The following PLCB1 variants were observed in gnomAD, a reference collection of about 807,000 sequenced individuals.
PLCB1 encodes the protein 1-phosphatidylinositol 4,5-bisphosphate phosphodiesterase beta-1.
Under a neutral mutation model 161.8 loss-of-function variants are expected in PLCB1, and 46 were observed. The observed-to-expected ratio is 0.28, with a 90% CI of 0.22 to 0.36. The LOEUF is 0.36. Among genes scored for constraint, PLCB1 ranks in the 10% least tolerant of loss-of-function variants. PLCB1 has a pLI of 1.00. For missense variants in PLCB1, 1,016 were observed against 1,472.5 expected, an observed-to-expected ratio of 0.69 and a Z score of 5.07; for synonymous variants, 517 against 503.7, an observed-to-expected ratio of 1.03 and a Z score of -0.35.
chr20:8,225,440 C>T (rs6118125), intron 2 of PLCB1, among the ~76,000 whole-genome samples: 1,853 of 152,176 alleles, frequency 0.012, 42 homozygotes, highest in African/African-American at 0.042. Context: ...AAACAAACAT[C>T]TTGCATATTT....
rs145374346 is a variant in PLCB1, at chr20:8,750,148, G to A, written c.2524-6898G>A. On this transcript the variant is annotated intron_variant, in intron 23 of 31. Transcript: ENST00000338037. ...AACAAAATGATACCATGTGAATGCT[G>A]TTGACTCATGTGAGTGCTTATATGA... 2.8e-3 allele frequency among the ~76,000 whole-genome samples: 426 copies of A among 152,282 alleles called. 3 individuals are homozygous for A. Among genetic ancestry groups the A allele is most frequent in the African/African-American group, 9.9e-3 (410 of 41,550 alleles).
intron 3 of PLCB1, among the ~76,000 whole-genome samples, chr20:8,488,034 T>G (rs894724274): frequency 1.3e-5 from 2 of 152,192 alleles, no homozygotes; most frequent in African/African-American, 4.8e-5. Context: ...TTTACATGGA[T>G]TCAATGAATT....
intron 3 of PLCB1, among the ~76,000 whole-genome samples, chr20:8,491,621 C>T (rs542993270): frequency 1.3e-5 from 2 of 152,278 alleles, no homozygotes; most frequent in African/African-American, 4.8e-5. Context: ...GAAGTCAGTA[C>T]TCAAGTGAAT....
chr20:8,363,636 C>G (rs1232218753), intron 2 of PLCB1, among the ~76,000 whole-genome samples: 1 of 152,022 alleles, frequency 6.6e-6, no homozygotes, highest in Non-Finnish European at 1.5e-5. Context: ...AGCACCTTTG[C>G]CATATTGTAT....
intron 3 of PLCB1, among the ~76,000 whole-genome samples, chr20:8,517,232 G>A (rs1256760574): frequency 6.6e-6 from 1 of 152,112 alleles, no homozygotes; most frequent in Non-Finnish European, 1.5e-5. Flanking sequence ...TGAGCCTAGA[G>A]CCAACTCAAG....
At chr20:8,584,499 C>T (rs955783304) in intron 3 of PLCB1, among the ~76,000 whole-genome samples, 1 of 151,768 alleles carries the variant, frequency 6.6e-6, no homozygotes, top group African/African-American at 2.4e-5. Context: ...CACACACACA[C>T]ACACACACGT....
intron 2 of PLCB1, among the ~76,000 whole-genome samples, chr20:8,249,131 T>C (rs2123219126): frequency 6.6e-6 from 1 of 152,084 alleles, no homozygotes; most frequent in African/African-American, 2.4e-5. Flanking sequence ...TTTGGTTGCA[T>C]AAATCGTCAA....
chr20:8,621,396 TACTG>T (rs1382907767), intron 3 of PLCB1, among the ~76,000 whole-genome samples: 1 of 152,220 alleles, frequency 6.6e-6, no homozygotes, highest in African/African-American at 2.4e-5. Flanking sequence ...GTTTGACAAA[TACTG>T]ACTCAATGAG....
Position 8,881,650 on chromosome 20 carries a change from A to G in PLCB1, c.3452A>G (p.Gln1151Arg). 1 of 1,614,044 alleles carries G rather than the reference A, an allele frequency of 6.2e-7. No individual in the cohort carries two copies. Among genetic ancestry groups the G allele is most frequent in the Non-Finnish European group, 8.5e-7 (1 of 1,179,968 alleles). ...CAGGTGGAGCTGGAGCAAGAATACCAAGACAAATTCAAAAGACTGCCCCTC... is the reference window on the plus strand; with the variant it reads ...CAGGTGGAGCTGGAGCAAGAATACCGAGACAAATTCAAAAGACTGCCCCTC... The part of the protein sequence containing the change: ...KLQVELEQEY[Q>R]DKFKRLPLEI... Residue 1151 changes from glutamine (Q) to arginine (R), a missense_variant, in exon 32 of 32, where the codon CAA becomes CGA. Transcript: ENST00000338037.
chr20:8,702,497 C>T, intron 11 of PLCB1, among the ~76,000 whole-genome samples: 1 of 152,144 alleles, frequency 6.6e-6, no homozygotes, highest in Admixed American at 6.5e-5. Flanking sequence ...AATAAAGTGT[C>T]ATTCATTCCC....
intron 3 of PLCB1, among the ~76,000 whole-genome samples, chr20:8,591,169 C>A (rs1987140304): frequency 6.6e-6 from 1 of 152,154 alleles, no homozygotes; most frequent in African/African-American, 2.4e-5. Context: ...CTTTTTATGG[C>A]TGCATAGTAT....
chr20:8,134,657 T>G (rs1438577437), intron 1 of PLCB1, among the ~76,000 whole-genome samples: 1 of 151,824 alleles, frequency 6.6e-6, no homozygotes, highest in African/African-American at 2.4e-5. Context: ...ACATGCTAGG[T>G]GGAGGAGACA....
At chr20:8,639,022 G>A (rs1988858110) in intron 4 of PLCB1, among the ~76,000 whole-genome samples, 6 of 151,826 alleles carry the variant, frequency 4.0e-5, no homozygotes, top group Admixed American at 3.9e-4. Flanking sequence ...TAGTGTTGTG[G>A]GTGCCACTGC....
At chr20:8,252,483 T>G (rs1013131562) in intron 2 of PLCB1, among the ~76,000 whole-genome samples, 5 of 151,932 alleles carry the variant, frequency 3.3e-5, no homozygotes, top group African/African-American at 1.2e-4. Flanking sequence ...AGATGAAAAG[T>G]AGGTCATATA....
chr20:8,858,672 A>G (rs1042031801), intron 31 of PLCB1, among the ~76,000 whole-genome samples: 2 of 152,082 alleles, frequency 1.3e-5, no homozygotes, highest in Non-Finnish European at 1.5e-5. Context: ...GCTTGTTTTC[A>G]TAGCTTCGAG....
intron 31 of PLCB1, among the ~76,000 whole-genome samples, chr20:8,823,516 T>C (rs1985539532): frequency 6.6e-6 from 1 of 152,204 alleles, no homozygotes; most frequent in Non-Finnish European, 1.5e-5. Context: ...CAATCCCCCA[T>C]GGATGCCTAG....
intron 4 of PLCB1, among the ~76,000 whole-genome samples, chr20:8,641,032 T>C (rs1988940229): frequency 6.6e-6 from 1 of 152,184 alleles, no homozygotes; most frequent in Admixed American, 6.5e-5. Flanking sequence ...GAATATTGCT[T>C]CACTTACCTG....
At chr20:8,285,329 A>G (rs1298022794) in intron 2 of PLCB1, among the ~76,000 whole-genome samples, 1 of 151,066 alleles carries the variant, frequency 6.6e-6, no homozygotes, top group Non-Finnish European at 1.5e-5. Context: ...TTCAGGGCTC[A>G]ATCTTTTGAA....
chr20:8,399,138 TG>T (rs1759324196), intron 3 of PLCB1, among the ~76,000 whole-genome samples: 1 of 151,790 alleles, frequency 6.6e-6, no homozygotes, highest in Non-Finnish European at 1.5e-5. Context: ...TGGAGCATCT[TG>T]GAGGTTTTTT....
Sources: gnomAD v4.1 joint callset for allele counts (sites outside exome capture counted in the v4.1 genomes callset) on GRCh38, gnomAD v4.1.1 for gene constraint, MANE v1.5 for transcripts, NCBI Gene and HGNC (gene_info 2026-07-23, HGNC 2026-07-21) for gene names.